NR6A1: variants seen among roughly 807,000 people sequenced by gnomAD.
NR6A1 encodes retinoic acid receptor-related testis-associated receptor.
A neutral mutation model predicts 59.1 loss-of-function variants in NR6A1; 7 were observed. The ratio of observed to expected loss-of-function variants is 0.12; its 90% CI spans 0.07 to 0.22. The LOEUF (loss-of-function observed/expected upper bound fraction) is 0.22, where lower values mean the gene tolerates loss of function less well. Ranked by LOEUF, NR6A1 falls within the 10% of genes least tolerant of loss-of-function variation. The pLI, the probability that NR6A1 is intolerant of heterozygous loss-of-function variation, is 1.00. For missense variants in NR6A1, 468 were observed against 611.6 expected, an observed-to-expected ratio of 0.77 and a Z score of 2.48; for synonymous variants, 243 against 236.1, an observed-to-expected ratio of 1.03 and a Z score of -0.27.
chr9:124,680,090 A>G (rs373688781), intron 2 of NR6A1, among the ~76,000 whole-genome samples: 78 of 143,238 alleles, frequency 5.4e-4, no homozygotes, highest in African/African-American at 1.1e-3. Context: ...GTGTGTATGT[A>G]TGTGTGTGTG....
chr9:124,624,442 TCC>T (rs1836176555), intron 2 of NR6A1, among the ~76,000 whole-genome samples: 1 of 152,224 alleles, frequency 6.6e-6, no homozygotes, highest in African/African-American at 2.4e-5. Flanking sequence ...TATTTCATTC[TCC>T]CTCTGAATGG....
At chr9:124,764,079 G>A (rs1339968148) in intron 1 of NR6A1, among the ~76,000 whole-genome samples, 1 of 151,788 alleles carries the variant, frequency 6.6e-6, no homozygotes, top group Non-Finnish European at 1.5e-5. Flanking sequence ...AGCTACTCAG[G>A]AGGCTGAGGC....
chr9:124,609,273 G>C (rs1835671134), intron 2 of NR6A1, among the ~76,000 whole-genome samples: 1 of 152,102 alleles, frequency 6.6e-6, no homozygotes, highest in Admixed American at 6.6e-5. Flanking sequence ...TCCATCTTGA[G>C]TTGATTTTTG....
intron 2 of NR6A1, among the ~76,000 whole-genome samples, chr9:124,562,284 A>T (rs753416770): frequency 3.9e-5 from 6 of 152,230 alleles, no homozygotes; most frequent in Non-Finnish European, 7.3e-5. Context: ...AAAAGTCATG[A>T]TCTGCCCACA....
intron 2 of NR6A1, among the ~76,000 whole-genome samples, chr9:124,586,371 T>C (rs1325980408): frequency 6.6e-6 from 1 of 151,872 alleles, no homozygotes. Flanking sequence ...AATGTAGAAG[T>C]GGGAACAACA....
At chr9:124,713,564 CAATTA>C (rs1247228103) in intron 2 of NR6A1, among the ~76,000 whole-genome samples, 2 of 151,988 alleles carry the variant, frequency 1.3e-5, no homozygotes, top group East Asian at 1.9e-4. Flanking sequence ...ATAAAGAATC[CAATTA>C]AATAGGCAAA....
chr9:124,607,611 G>T (rs529353597), intron 2 of NR6A1, among the ~76,000 whole-genome samples: 1 of 152,070 alleles, frequency 6.6e-6, no homozygotes, highest in Admixed American at 6.6e-5. Flanking sequence ...CTATAAAATA[G>T]GTTGTTAGCA....
intron 1 of NR6A1, among the ~76,000 whole-genome samples, chr9:124,768,788 G>T (rs1841015598): frequency 6.6e-6 from 1 of 152,140 alleles, no homozygotes; most frequent in Non-Finnish European, 1.5e-5. Context: ...GCAGTTCTTA[G>T]GTTTCTCTTA....
intron 2 of NR6A1, among the ~76,000 whole-genome samples, chr9:124,655,190 C>T (rs568050039): frequency 9.2e-5 from 14 of 152,178 alleles, no homozygotes; most frequent in African/African-American, 1.4e-4. Flanking sequence ...AATTTGGAGC[C>T]GATGCCTGAG....
At chr9:124,762,024 C>T (rs941166308) in intron 1 of NR6A1, among the ~76,000 whole-genome samples, 3 of 152,104 alleles carry the variant, frequency 2.0e-5, no homozygotes, top group Non-Finnish European at 4.4e-5. Context: ...GCTCAATTAT[C>T]GAGGGAAGTA....
intron 2 of NR6A1, among the ~76,000 whole-genome samples, chr9:124,580,257 C>A (rs1173571517): frequency 6.6e-6 from 1 of 152,052 alleles, no homozygotes; most frequent in Non-Finnish European, 1.5e-5. Context: ...ACTATTAATA[C>A]ATATAACAAT....
chr9:124,524,920 G>C, intron 8 of NR6A1, 47 bp from the exon 9 acceptor site: 7 of 1,546,700 alleles, frequency 4.5e-6, no homozygotes, highest in Non-Finnish European at 5.2e-6. Context: ...GAATGGGATG[G>C]GCATTCTAAT....
rs1564176731 is a variant in NR6A1, at chr9:124,554,574, A to T, written c.143-4T>A. 7 of 1,614,218 alleles carry T rather than the reference A, an allele frequency of 4.3e-6. No individual in the cohort carries two copies. Among genetic ancestry groups the T allele is most frequent in the Non-Finnish European group, 5.9e-6 (7 of 1,180,026 alleles). The stretch of plus-strand genomic sequence containing the variant: ...GCCCGATCATCTGAAACAGAAACTG[A>T]TCATGTTCAAGTTAGAACACAGTGG... On this transcript the variant is annotated splice_polypyrimidine_tract_variant and splice_region_variant and intron_variant, in intron 2 of 9. Coordinates refer to ENST00000487099, the MANE Select transcript of NR6A1 (RefSeq NM_033334.4).
chr9:124,581,622 T>C (rs1428989520), intron 2 of NR6A1, among the ~76,000 whole-genome samples: 1 of 151,814 alleles, frequency 6.6e-6, no homozygotes, highest in African/African-American at 2.4e-5. Flanking sequence ...AAAGAAACTA[T>C]CATCAGAGTA....
intron 3 of NR6A1, among the ~76,000 whole-genome samples, chr9:124,549,054 A>C (rs1219684980): frequency 6.6e-6 from 1 of 152,208 alleles, no homozygotes; most frequent in Non-Finnish European, 1.5e-5. Context: ...TAATGAGGGA[A>C]ACAGATGAGT....
chr9:124,770,987 G>C, intron 1 of NR6A1, 33 bp downstream of exon 1: 1 of 1,161,792 alleles, frequency 8.6e-7, no homozygotes, highest in African/African-American at 1.6e-5. Flanking sequence ...GCCGGTTCCT[G>C]CCTGGCCCGG....
intron 2 of NR6A1, among the ~76,000 whole-genome samples, chr9:124,713,658 C>T (rs1839342843): frequency 1.3e-5 from 2 of 152,168 alleles, no homozygotes; most frequent in African/African-American, 4.8e-5. Flanking sequence ...TATCACTAAT[C>T]ATTAGGGAAA....
chr9:124,642,614 T>C (rs1470630100), intron 2 of NR6A1, among the ~76,000 whole-genome samples: 2 of 152,218 alleles, frequency 1.3e-5, no homozygotes, highest in East Asian at 3.8e-4. Flanking sequence ...TGTCTTCATA[T>C]TGCCAAATCA....
At position 124,708,085 on chromosome 9, in the gene NR6A1, C is replaced by T. The variant is rs566219394; in HGVS notation, c.142+25223G>A. ...CTTATCAAGCCCCTTGAAACTGTCT[C>T]ACCTACCAGACCTCCTTGTTAAAGC... On this transcript the variant is annotated intron_variant, in intron 2 of 9. Coordinates refer to ENST00000487099, the MANE Select transcript of NR6A1 (RefSeq NM_033334.4). 1.0e-3 allele frequency among the ~76,000 whole-genome samples: 159 copies of T among 152,328 alleles called. 1 individual carries two copies. The highest frequency in any genetic ancestry group is 3.7e-3 in the African/African-American group (155 of 41,574).
Sources: gnomAD v4.1 joint callset for allele counts (sites outside exome capture counted in the v4.1 genomes callset) on GRCh38, gnomAD v4.1.1 for gene constraint, MANE v1.5 for transcripts, NCBI Gene and HGNC (gene_info 2026-07-23, HGNC 2026-07-21) for gene names.